NPFFR2: variants seen among roughly 807,000 people sequenced by gnomAD.
The protein encoded by NPFFR2 is G-protein coupled receptor 74.
Under a neutral mutation model 13.1 loss-of-function variants are expected in NPFFR2, and 15 were observed. That is an observed-to-expected ratio of 1.15 (90% CI 0.77 to 1.76). NPFFR2 has a LOEUF of 1.76. Ranked by LOEUF, NPFFR2 falls within the 40% of genes most tolerant of loss-of-function variation. The probability of loss-of-function intolerance (pLI) is 0.00; values close to 1 mark genes in which losing one functional copy is unlikely to be tolerated. For synonymous variants in NPFFR2, 190 were observed against 175.7 expected (o/e 1.08, Z -0.65); for missense variants, 572 against 503.5 (o/e 1.14, Z -1.30).
intron 1 of NPFFR2, among the ~76,000 whole-genome samples, chr4:72,034,180 G>T (rs573654282): frequency 8.5e-5 from 13 of 152,122 alleles, no homozygotes; most frequent in Non-Finnish European, 1.6e-4. Context: ...CAAAGAAAAT[G>T]GAATAAATAT....
intron 1 of NPFFR2, among the ~76,000 whole-genome samples, chr4:72,037,372 C>T (rs1225098359): frequency 1.3e-5 from 2 of 149,414 alleles, no homozygotes; most frequent in African/African-American, 4.9e-5. Flanking sequence ...CCACTGCACT[C>T]CAGCTTCGGC....
At chr4:72,127,932 T>C (rs1020990015) in intron 1 of NPFFR2, among the ~76,000 whole-genome samples, 1 of 151,744 alleles carries the variant, frequency 6.6e-6, no homozygotes, top group Non-Finnish European at 1.5e-5. Context: ...ATACAAAAAT[T>C]AGCTGGTCAT....
chr4:72,050,447 C>A (rs1373822506), intron 1 of NPFFR2, among the ~76,000 whole-genome samples: 1 of 151,886 alleles, frequency 6.6e-6, no homozygotes, highest in African/African-American at 2.4e-5. Context: ...AATTCGGGCA[C>A]AACTGAACAG....
At chr4:72,112,028 C>T (rs1397449360) in intron 1 of NPFFR2, among the ~76,000 whole-genome samples, 1 of 151,932 alleles carries the variant, frequency 6.6e-6, no homozygotes, top group East Asian at 1.9e-4. Context: ...TGGATTTTTA[C>T]CAAATATTTG....
At chr4:72,138,281 C>CT in intron 3 of NPFFR2, 142 bp downstream of exon 3, 1 of 626,692 alleles carries the variant, frequency 1.6e-6, no homozygotes, top group East Asian at 2.8e-5. Flanking sequence ...AATTATTATA[C>CT]TTTAAGTTCT....
At chr4:72,138,281 C>G (rs1722481960) in intron 3 of NPFFR2, 142 bp downstream of exon 3, 1 of 626,692 alleles carries the variant, frequency 1.6e-6, no homozygotes, top group South Asian at 2.0e-5. Flanking sequence ...AATTATTATA[C>G]TTTAAGTTCT....
At chr4:72,108,806 T>C (rs1269821422) in intron 1 of NPFFR2, among the ~76,000 whole-genome samples, 2 of 151,982 alleles carry the variant, frequency 1.3e-5, no homozygotes, top group Non-Finnish European at 2.9e-5. Flanking sequence ...TTGCACATTT[T>C]ATATGATTTG....
chr4:72,087,599 G>A lies in NPFFR2; in HGVS notation c.-7-40986G>A, dbSNP rs540462128. Among the ~76,000 whole-genome samples the A allele has an allele frequency of 2.9e-3, 447 of 152,114 alleles. 1 individual carries two copies. Among genetic ancestry groups the A allele is most frequent in the African/African-American group, 0.011 (439 of 41,542 alleles). ...GTGATGGATGAGAGCCCCTGTATAG[G>A]ATGGGGAAGGAAAGAATTCAGAGAA... On this transcript the variant is annotated intron_variant, in intron 1 of 3. Transcript: ENST00000308744.
In NPFFR2 at chr4:72,107,042, C is replaced by T. The variant is rs139628463; in HGVS notation, c.-7-21543C>T. Reference sequence around the variant, plus strand: ...GAATCCAATATCTACCTATCTCCCCCACCACAGTGTGCCCAGGATTTTCCT... The same window carrying T: ...GAATCCAATATCTACCTATCTCCCCTACCACAGTGTGCCCAGGATTTTCCT... On this transcript the variant is annotated intron_variant, in intron 1 of 3. Coordinates refer to ENST00000308744, the MANE Select transcript of NPFFR2 (RefSeq NM_004885.3). Among the ~76,000 whole-genome samples, 303 of 151,904 alleles carry T rather than the reference C, an allele frequency of 2.0e-3. 1 individual carries two copies. The highest frequency in any genetic ancestry group is 6.8e-3 in the Middle Eastern group (2 of 294).
rs111656840 is a variant in NPFFR2 at position 72,101,542 on chromosome 4, G to T, written c.-7-27043G>T. ...CTCAATGACTAATAATAAAATAGGG[G>T]TCATAAAATAAAAGTGATTTAGGAA... On this transcript the variant is annotated intron_variant, in intron 1 of 3. Coordinates refer to ENST00000308744, the MANE Select transcript of NPFFR2 (RefSeq NM_004885.3). Among the ~76,000 whole-genome samples the T allele has an allele frequency of 9.9e-5, 15 of 151,632 alleles. No homozygotes were observed. In the East Asian group the frequency reaches 2.5e-3, roughly 25 times the overall value.
At chr4:72,138,225 G>A in intron 3 of NPFFR2, 86 bp downstream of exon 3, 2 of 805,578 alleles carry the variant, frequency 2.5e-6, no homozygotes, top group South Asian at 1.6e-5. Context: ...ACTAAATTTG[G>A]ACATATCTTT....
intron 1 of NPFFR2, among the ~76,000 whole-genome samples, chr4:72,070,260 A>G (rs986542225): frequency 2.0e-5 from 3 of 152,300 alleles, no homozygotes; most frequent in Admixed American, 6.5e-5. Context: ...TATAGTTTTT[A>G]TAGAGTAACC....
intron 1 of NPFFR2, among the ~76,000 whole-genome samples, chr4:72,116,110 T>C (rs1048618677): frequency 1.3e-5 from 2 of 152,228 alleles, no homozygotes; most frequent in African/African-American, 4.8e-5. Context: ...ATGTTTATTG[T>C]TTTGAAACTA....
chr4:72,135,571 C>G (rs894929167), intron 2 of NPFFR2, among the ~76,000 whole-genome samples: 6 of 151,900 alleles, frequency 3.9e-5, no homozygotes, highest in Admixed American at 2.6e-4. Flanking sequence ...TTCTGTAGTT[C>G]CCACCATGAT....
At chr4:72,114,096 A>T (rs943577023) in intron 1 of NPFFR2, among the ~76,000 whole-genome samples, 1 of 152,120 alleles carries the variant, frequency 6.6e-6, no homozygotes, top group Non-Finnish European at 1.5e-5. Flanking sequence ...ATATTGGGTC[A>T]CTTGCCCTCT....
At position 72,128,608 on chromosome 4, in the gene NPFFR2, AC is replaced by A; in HGVS notation, c.18del (p.Asp6GlufsTer30). The A allele has an allele frequency of 1.2e-6, 2 of 1,608,422 alleles. No individual in the cohort carries two copies. Among genetic ancestry groups the A allele is most frequent in the Non-Finnish European group, 1.7e-6 (2 of 1,175,680 alleles). On this transcript the variant is annotated frameshift_variant, in exon 2 of 4. Transcript: ENST00000308744. LOFTEE classifies it high-confidence loss of function. Reference protein sequence around the residue: MNEKWDTNSSENWHPI... With the variant: MNEKWXTNSSENWHPI... ...AGGTTCATCATGAATGAGAAATGGG[AC>A]ACAAACTCTTCAGAAAACTGGCATC...
intron 1 of NPFFR2, among the ~76,000 whole-genome samples, chr4:72,072,066 AAAC>A (rs1720273524): frequency 6.6e-6 from 1 of 152,140 alleles, no homozygotes; most frequent in South Asian, 2.1e-4. Flanking sequence ...AACAATCAAG[AAAC>A]AACAACAAAA....
At chr4:72,033,269 C>A (rs898233948) in intron 1 of NPFFR2, among the ~76,000 whole-genome samples, 3 of 152,010 alleles carry the variant, frequency 2.0e-5, no homozygotes, top group African/African-American at 7.2e-5. Context: ...AAAAATAGTG[C>A]CATTATCATC....
chr4:72,099,488 G>A (rs1010469624), intron 1 of NPFFR2, among the ~76,000 whole-genome samples: 8 of 152,078 alleles, frequency 5.3e-5, no homozygotes, highest in African/African-American at 1.9e-4. Context: ...GCATCTGCTT[G>A]GCTTCCAGGG....
Sources: gnomAD v4.1 joint callset for allele counts (sites outside exome capture counted in the v4.1 genomes callset) on GRCh38, gnomAD v4.1.1 for gene constraint, MANE v1.5 for transcripts, NCBI Gene and HGNC (gene_info 2026-07-23, HGNC 2026-07-21) for gene names.